TSSK4: variants seen among roughly 807,000 people sequenced by gnomAD.
TSSK4 encodes testis-specific serine/threonine-protein kinase 4.
In TSSK4, 22 loss-of-function variants were observed where a neutral mutation model predicts 28.5. That is an observed-to-expected ratio of 0.77 (90% CI 0.55 to 1.10). The LOEUF is 1.10. TSSK4 is among the 50% of genes least tolerant of loss of function. TSSK4 has a pLI of 0.00. For synonymous variants in TSSK4, 151 were observed against 158.3 expected (o/e 0.95, Z 0.35); for missense variants, 329 against 415.4 (o/e 0.79, Z 1.81).
Position 24,207,522 on chromosome 14 carries a change from T to A in TSSK4, c.834+13T>A. On this transcript the variant is annotated intron_variant, in intron 3 of 3. Coordinates refer to ENST00000339917, the MANE Select transcript of TSSK4 (RefSeq NM_001184739.2). The stretch of plus-strand genomic sequence containing the variant: ...CCAGGAGTGCAAGGTACTGGCTACC[T>A]AAGGAGGGCTGAGCCTTCAGGGATG... 1 of 1,586,152 alleles carries A rather than the reference T, an allele frequency of 6.3e-7. No individual in the cohort carries two copies. The highest frequency in any genetic ancestry group is 8.6e-7 in the Non-Finnish European group (1 of 1,166,602).
Position 24,206,529 on chromosome 14 carries a change from C to T in TSSK4, c.246C>T (p.His82=). Residue 82 remains histidine, a synonymous_variant, in exon 2 of 4, where the codon CAC becomes CAT. Coordinates refer to ENST00000339917, the MANE Select transcript of TSSK4 (RefSeq NM_001184739.2). ...REIQVMKVLR[H]KYLINFYRAI... ...GTCAGGTAATGAAAGTCTTGCGGCACAAGTACCTCATCAACTTCTATCGGG... is the reference window on the plus strand; with the variant it reads ...GTCAGGTAATGAAAGTCTTGCGGCATAAGTACCTCATCAACTTCTATCGGG... 1.9e-6 allele frequency: 3 copies of T among 1,614,216 alleles called. No individual in the cohort carries two copies. The highest frequency in any genetic ancestry group is 2.5e-6 in the Non-Finnish European group (3 of 1,180,036).
intron 2 of TSSK4, 148 bp from the exon 3 acceptor site, chr14:24,206,968 T>C: frequency 1.7e-6 from 2 of 1,155,680 alleles, no homozygotes; most frequent in Non-Finnish European, 1.3e-6. Context: ...TCTCCCTACT[T>C]TGGGCTCTGC....
At position 24,208,052 on chromosome 14, in the gene TSSK4, CTGAGCAACCCACCCA is replaced by C. The variant is rs1456894387; in HGVS notation, c.928_942del (p.Gln310_Glu314del). 6.2e-7 allele frequency: 1 copy of C among 1,614,222 alleles called. No individual in the cohort carries two copies. Among genetic ancestry groups the C allele is most frequent in the Admixed American group, 1.7e-5 (1 of 60,028 alleles). ...GATTCCTGGGTGCTCAAGTTCCAGC[CTGAGCAACCCACCCA>C]TGAGATCAGGCTGCTTGAGGCCATG... On this transcript the variant is annotated inframe_deletion, in exon 4 of 4. Coordinates refer to ENST00000339917, the MANE Select transcript of TSSK4 (RefSeq NM_001184739.2).
Position 24,206,874 on chromosome 14 carries a change from T to G in TSSK4, c.440+151T>G, listed in dbSNP as rs753184759. The G allele has an allele frequency of 5.9e-6, 6 of 1,014,004 alleles. No homozygotes were observed. The Middle Eastern group carries it at 6.1e-4, about 103-fold the overall frequency. 62.8% of individuals were successfully genotyped at this position (1,014,004 alleles called of 1,614,324 possible). A position where few individuals can be genotyped will look rare whatever the true frequency, so the allele number is the denominator to read the frequency against. ...ATTTTAATCATATGGTCAAGGATAC[T>G]GATAAAGTACTCACTGTATGCAAAG... is the stretch of plus-strand genomic sequence containing the variant. On this transcript the variant is annotated intron_variant, in intron 2 of 3. Transcript: ENST00000339917.
chr14:24,207,567 T>TATCCAACCTAGGTC, intron 3 of TSSK4, 58 bp downstream of exon 3: 1 of 1,534,670 alleles, frequency 6.5e-7, no homozygotes, highest in Non-Finnish European at 8.7e-7. Flanking sequence ...GAGGGGTGAA[T>TATCCAACCTAGGTC]ATCCAACCTA....
At chr14:24,206,484 T>C (rs780491244) in intron 1 of TSSK4, 25 bp from the exon 2 acceptor site, 1 of 1,613,490 alleles carries the variant, frequency 6.2e-7, no homozygotes, top group Non-Finnish European at 8.5e-7. Flanking sequence ...TTCCCAGGTT[T>C]GATGGGTCCT....
chr14:24,206,380 C>A (rs2039516604), intron 1 of TSSK4, 129 bp from the exon 2 acceptor site: 3 of 1,054,742 alleles, frequency 2.8e-6, no homozygotes, highest in Non-Finnish European at 4.2e-6. Context: ...CACAGGCCAC[C>A]AGTTCTCTGG....
intron 2 of TSSK4, 167 bp from the exon 3 acceptor site, chr14:24,206,949 C>G (rs563470584): frequency 3.8e-6 from 4 of 1,048,654 alleles, no homozygotes; most frequent in African/African-American, 1.6e-5. Flanking sequence ...AGATACCATC[C>G]TCTGTCTCTC....
At position 24,208,079 on chromosome 14, in the gene TSSK4, T is replaced by G. The variant is rs1207166976; in HGVS notation, c.950T>G (p.Leu317Arg). The G allele has an allele frequency of 6.2e-7, 1 of 1,614,088 alleles. No homozygotes were observed. Among genetic ancestry groups the G allele is most frequent in the Non-Finnish European group, 8.5e-7 (1 of 1,180,020 alleles). Residue 317 changes from leucine to arginine, a missense_variant, in exon 4 of 4, where the codon CTG (leucine) becomes CGG (arginine). Transcript: ENST00000339917. ...GAGCAACCCACCCATGAGATCAGGC[T>G]GCTTGAGGCCATGTGCCAGCTCCAC... ...QPEQPTHEIR[L>R]LEAMCQLHNT...
In TSSK4 at chr14:24,206,052, C is replaced by G. The variant is rs755867204; in HGVS notation, c.129C>G (p.Phe43Leu). ...HGSYGSVYEA[F>L]YTKQKVMVAV... is the part of the protein sequence containing the mutation. ...CCTATGGGTCGGTATATGAGGCTTT[C>G]TACACAAAGCAGAAGGTTATGGTGG... The change falls in exon 1 of 4, where the codon TTC becomes TTG. Residue 43 changes from phenylalanine (F) to leucine (L), a missense_variant. By Grantham distance (22) the Phe-to-Leu change is conservative (BLOSUM62 0). Coordinates refer to ENST00000339917, the MANE Select transcript of TSSK4 (RefSeq NM_001184739.2). 2.2e-5 allele frequency: 36 copies of G among 1,614,060 alleles called. No homozygotes were observed. Among genetic ancestry groups the G allele is most frequent in the Non-Finnish European group, 2.8e-5 (33 of 1,180,030 alleles).
chr14:24,208,146 A>C lies in TSSK4; in HGVS notation c.1017A>C (p.Ter339CysextTer18). The stretch of plus-strand genomic sequence containing the variant: ...ACCAATCCTTGCAAATTACGACCTG[A>C]AAATGGCTGAGGGAGGGGGCTAAGA... ...KQHQSLQITT[*>C] Residue 339 changes from the stop codon to cysteine, a stop_lost, in exon 4 of 4, where the codon TGA (stop) becomes TGC (cysteine). Transcript: ENST00000339917. The C allele has an allele frequency of 6.3e-7, 1 of 1,598,884 alleles. No individual in the cohort carries two copies. Among genetic ancestry groups the C allele is most frequent in the African/African-American group, 1.3e-5 (1 of 74,770 alleles).
rs1034004794 is a variant in TSSK4, at chr14:24,205,740, C to T, written c.-184C>T. ...GAGACAAAAAGAACTGCTTCTCTTT[C>T]TTTCCCCCTCCAAGTTCCTAGTGGA... On this transcript the variant is annotated 5_prime_UTR_variant, in exon 1 of 4. Transcript: ENST00000339917. 15 of 594,104 alleles carry T rather than the reference C, an allele frequency of 2.5e-5. No homozygotes were observed. Among genetic ancestry groups the T allele is most frequent in the Non-Finnish European group, 3.9e-5 (13 of 330,424 alleles). 36.8% of individuals were successfully genotyped at this position (594,104 alleles called of 1,614,324 possible). A position where few individuals can be genotyped will look rare whatever the true frequency, so the allele number is the denominator to read the frequency against.
intron 1 of TSSK4, 133 bp downstream of exon 1, chr14:24,206,281 A>G (rs2039514957): frequency 1.1e-6 from 1 of 932,584 alleles, no homozygotes; most frequent in Non-Finnish European, 1.6e-6. Flanking sequence ...CTAAGCAGCT[A>G]GGAAACTTTA....
rs1594466213 is a variant in TSSK4 at position 24,207,470 on chromosome 14, C to A, written c.795C>A (p.Val265=). ...KKLLRETQKE[V]TFPANHTISQ... ...TGCTAAGAGAGACTCAGAAGGAGGT[C>A]ACTTTCCCAGCTAACCATACCATCT... Residue 265 remains valine, a synonymous_variant, in exon 3 of 4, where the codon GTC becomes GTA. Transcript: ENST00000339917. 6 of 1,613,514 alleles carry A rather than the reference C, an allele frequency of 3.7e-6. No individual in the cohort carries two copies. The East Asian group carries it at 1.1e-4, about 30-fold the overall frequency.
Position 24,205,701 on chromosome 14 carries a change from A to C in TSSK4, c.-223A>C, listed in dbSNP as rs2138850940. On this transcript the variant is annotated 5_prime_UTR_variant, in exon 1 of 4. Coordinates refer to ENST00000339917, the MANE Select transcript of TSSK4 (RefSeq NM_001184739.2). Reference sequence around the variant, plus strand: ...AGTTCCGTAACCAAAAGGAGAAAGTAACAACAGCCAGTGGAGACAAAAAGA... The same window carrying C: ...AGTTCCGTAACCAAAAGGAGAAAGTCACAACAGCCAGTGGAGACAAAAAGA... 1 of 564,124 alleles carries C rather than the reference A, an allele frequency of 1.8e-6. No homozygotes were observed. Among genetic ancestry groups the C allele is most frequent in the East Asian group, 2.9e-5 (1 of 34,318 alleles). 34.9% of individuals were successfully genotyped at this position (564,124 alleles called of 1,614,324 possible). A position where few individuals can be genotyped will look rare whatever the true frequency, so the allele number is the denominator to read the frequency against.
Position 24,208,111 on chromosome 14 carries a change from A to G in TSSK4, c.982A>G (p.Thr328Ala), listed in dbSNP as rs896994310. The change falls in exon 4 of 4, where the codon ACT (threonine) becomes GCT (alanine). Residue 328 changes from threonine (T) to alanine (A), a missense_variant. By Grantham distance (58) the Thr-to-Ala change is moderately conservative. Coordinates refer to ENST00000339917, the MANE Select transcript of TSSK4 (RefSeq NM_001184739.2). ...LEAMCQLHNT[T>A]KQHQSLQITT ...GGCCATGTGCCAGCTCCACAACACC[A>G]CTAAACAGCACCAATCCTTGCAAAT... The G allele has an allele frequency of 3.1e-6, 5 of 1,612,194 alleles. No individual in the cohort carries two copies. The highest frequency in any genetic ancestry group is 4.2e-6 in the Non-Finnish European group (5 of 1,178,500).
chr14:24,205,902 T>C lies in TSSK4; in HGVS notation c.-22T>C. The C allele has an allele frequency of 6.2e-7, 1 of 1,604,972 alleles. No homozygotes were observed. The highest frequency in any genetic ancestry group is 8.5e-7 in the Non-Finnish European group (1 of 1,172,852). On this transcript the variant is annotated 5_prime_UTR_variant, in exon 1 of 4. Transcript: ENST00000339917. ...GAGGCTTCCAAGTAGTAAAGCTCCC[T>C]GCTCTCAGCAAGCCCAACACCATGG...
In TSSK4 at chr14:24,207,488, T is replaced by C. The variant is rs2039541652; in HGVS notation, c.813T>C (p.His271=). The C allele has an allele frequency of 4.3e-6, 7 of 1,611,540 alleles. No individual in the cohort carries two copies. The highest frequency in any genetic ancestry group is 5.9e-6 in the Non-Finnish European group (7 of 1,178,638). ...AGGAGGTCACTTTCCCAGCTAACCA[T>C]ACCATCTCCCAGGAGTGCAAGGTAC... ...TQKEVTFPAN[H]TISQECKNLI... The change falls in exon 3 of 4, where the codon CAT becomes CAC. Residue 271 remains histidine, a synonymous_variant. Coordinates refer to ENST00000339917, the MANE Select transcript of TSSK4 (RefSeq NM_001184739.2).
Position 24,206,160 on chromosome 14 carries a change from G to A in TSSK4, c.225+12G>A, listed in dbSNP as rs1246019950. On this transcript the variant is annotated intron_variant, in intron 1 of 3. Transcript: ENST00000339917. ...CCCGTGAAATACAGGTTGGAAAGGG[G>A]GCTGGAAGAGGGAACTGGAGCTTGG... The A allele has an allele frequency of 6.2e-7, 1 of 1,612,848 alleles. No homozygotes were observed. Among genetic ancestry groups the A allele is most frequent in the Non-Finnish European group, 8.5e-7 (1 of 1,179,028 alleles).
Sources: allele counts gnomAD v4.1 joint callset, GRCh38; gene constraint gnomAD v4.1.1; transcripts MANE v1.5; gene names NCBI Gene and HGNC (gene_info 2026-07-23, HGNC 2026-07-21).